PATJ: variants seen among roughly 807,000 people sequenced by gnomAD.
PATJ encodes PATJ crumbs cell polarity complex component.
PATJ carries 190 observed loss-of-function variants against 224.9 expected under a neutral mutation model. That is an observed-to-expected ratio of 0.84 (90% CI 0.75 to 0.95). The LOEUF is 0.95. Ranked by LOEUF, PATJ falls within the 40% of genes least tolerant of loss-of-function variation. The pLI is 0.00. For missense variants in PATJ, 2,121 were observed against 2,270.3 expected (o/e 0.93, Z 1.34); for synonymous variants, 769 against 820.3 (o/e 0.94, Z 1.07).
chr1:61,980,080 C>T (rs1481834132), intron 27 of PATJ, among the ~76,000 whole-genome samples: 4 of 151,860 alleles, frequency 2.6e-5, no homozygotes, highest in Admixed American at 6.6e-5. Flanking sequence ...TTCTCAAATG[C>T]GAAGATGCCA....
chr1:62,045,758 C>G (rs1247857893), intron 30 of PATJ, among the ~76,000 whole-genome samples: 1 of 152,166 alleles, frequency 6.6e-6, no homozygotes, highest in African/African-American at 2.4e-5. Context: ...GTCCTCAAAC[C>G]ACTCTAATTC....
intron 39 of PATJ, among the ~76,000 whole-genome samples, chr1:62,124,490 A>G (rs1665466368): frequency 6.6e-6 from 1 of 152,246 alleles, no homozygotes; most frequent in South Asian, 2.1e-4. Flanking sequence ...GATATCCAGC[A>G]TAACTTACTT....
chr1:61,903,147 T>C (rs1401083991), intron 24 of PATJ, among the ~76,000 whole-genome samples: 1 of 152,102 alleles, frequency 6.6e-6, no homozygotes, highest in African/African-American at 2.4e-5. Context: ...CAGGTAAGTA[T>C]TGTTTCAAAG....
chr1:61,991,702 C>A, intron 28 of PATJ: 2 of 983,930 alleles, frequency 2.0e-6, no homozygotes, highest in Non-Finnish European at 2.4e-6. Context: ...ACGAATGGGA[C>A]CCACATTGGG....
chr1:62,102,269 T>G (rs1482447865), intron 33 of PATJ, among the ~76,000 whole-genome samples: 1 of 152,188 alleles, frequency 6.6e-6, no homozygotes, highest in Non-Finnish European at 1.5e-5. Flanking sequence ...CAGGTCATCT[T>G]ACTTACATTT....
chr1:62,008,853 A>G (rs1646257185), intron 28 of PATJ, among the ~76,000 whole-genome samples: 3 of 152,222 alleles, frequency 2.0e-5, no homozygotes, highest in Admixed American at 2.0e-4. Context: ...AGAGTTGTAG[A>G]TCTTGGATTT....
Position 61,795,495 on chromosome 1 carries a change from T to C in PATJ, c.1197T>C (p.Ser399=), listed in dbSNP as rs1650889397. The C allele has an allele frequency of 6.2e-7, 1 of 1,608,620 alleles. No homozygotes were observed. Among genetic ancestry groups the C allele is most frequent in the Non-Finnish European group, 8.5e-7 (1 of 1,176,202 alleles). The change falls in exon 10 of 44, where the codon AGT becomes AGC. Residue 399 remains serine, a synonymous_variant. Coordinates refer to ENST00000642238, the MANE Select transcript of PATJ (RefSeq NM_001350145.3). The part of the protein sequence containing the change: ...TGEASGIYVK[S]IIPGSAAYHN... ...AAGCTTCAGGGATTTATGTGAAAAGTATAATACCTGGCAGTGCTGCGTACC... is the reference window on the plus strand; with the variant it reads ...AAGCTTCAGGGATTTATGTGAAAAGCATAATACCTGGCAGTGCTGCGTACC...
At chr1:62,152,395 C>G (rs1291955885) in intron 42 of PATJ, among the ~76,000 whole-genome samples, 1 of 152,064 alleles carries the variant, frequency 6.6e-6, no homozygotes, top group Non-Finnish European at 1.5e-5. Flanking sequence ...CAGCTCACGC[C>G]TGGAATCCCA....
intron 16 of PATJ, 27 bp downstream of exon 16, chr1:61,827,610 C>G (rs769293690): frequency 6.3e-7 from 1 of 1,599,880 alleles, no homozygotes; most frequent in African/African-American, 1.3e-5. Context: ...GTGCATTTCC[C>G]ATAGGCATGC....
At position 61,922,816 on chromosome 1, in the gene PATJ, C is replaced by A. The variant is rs190902816; in HGVS notation, c.3571-4914C>A. The stretch of plus-strand genomic sequence containing the variant: ...TGTTTATTGGTTACCTATAGTGAAC[C>A]AGTTACTGTGCAACAATCTGGGGAT... On this transcript the variant is annotated intron_variant, in intron 26 of 43. Transcript: ENST00000642238. Among the ~76,000 whole-genome samples, 29 of 152,258 alleles carry A rather than the reference C, an allele frequency of 1.9e-4. No homozygotes were observed. The East Asian group carries it at 2.9e-3, about 15-fold the overall frequency.
chr1:62,080,449 GGCCTCCTGAGTAGCTGGGATTACAGGT>G (rs1558140967), intron 32 of PATJ, among the ~76,000 whole-genome samples: 1 of 151,586 alleles, frequency 6.6e-6, no homozygotes, highest in East Asian at 1.9e-4. Context: ...CTCCTGCCTC[GGCCTCCTGAGTAGCTGGGATTACAGGT>G]GCTCACCACC....
rs759686014 is a variant in PATJ at position 61,795,460 on chromosome 1, C to T, written c.1169-7C>T. ...CTTCCTTTTTCCGTATGTCTGTGCA[C>T]CTTAAGGGGAAGCTTCAGGGATTTA... On this transcript the variant is annotated splice_polypyrimidine_tract_variant and splice_region_variant and intron_variant, in intron 9 of 43. Coordinates refer to ENST00000642238, the MANE Select transcript of PATJ (RefSeq NM_001350145.3). 1.3e-6 allele frequency: 2 copies of T among 1,566,008 alleles called. No homozygotes were observed. The highest frequency in any genetic ancestry group is 1.7e-6 in the Non-Finnish European group (2 of 1,144,948).
intron 22 of PATJ, 43 bp downstream of exon 22, chr1:61,884,451 GTTTTTT>G (rs72229771): frequency 0.14 from 87,066 of 631,956 alleles, 200 homozygotes; most frequent in Middle Eastern, 0.2. Context: ...TAAAATAGTG[GTTTTTT>G]TTTTTTTTTT....
intron 17 of PATJ, among the ~76,000 whole-genome samples, chr1:61,839,991 T>C (rs2148826701): frequency 6.6e-6 from 1 of 152,170 alleles, no homozygotes; most frequent in East Asian, 1.9e-4. Context: ...AAATGGCGAC[T>C]CATTAAAAAG....
At chr1:61,745,970 C>G (rs918234410) in intron 1 of PATJ, among the ~76,000 whole-genome samples, 1 of 151,890 alleles carries the variant, frequency 6.6e-6, no homozygotes, top group Non-Finnish European at 1.5e-5. Flanking sequence ...CAGAGCCTTA[C>G]TCTGTTGCCC....
intron 29 of PATJ, among the ~76,000 whole-genome samples, chr1:62,027,924 T>C (rs1648335783): frequency 6.6e-6 from 1 of 152,178 alleles, no homozygotes; most frequent in African/African-American, 2.4e-5. Flanking sequence ...TTTTCTCCTG[T>C]TTCATAAGTT....
rs542635978 is a variant in PATJ at position 62,061,298 on chromosome 1, C to T, written c.4125+10240C>T. Among the ~76,000 whole-genome samples, 28 of 152,068 alleles carry T rather than the reference C, an allele frequency of 1.8e-4. No individual in the cohort carries two copies. In the Middle Eastern group the frequency reaches 0.014, roughly 75 times the overall value. ...CCAGGTTCAAGCAATTCTCCTGCCTCAGCCTCCCGAGTAGCTGGGATTACA... is the reference window on the plus strand; with the variant it reads ...CCAGGTTCAAGCAATTCTCCTGCCTTAGCCTCCCGAGTAGCTGGGATTACA... On this transcript the variant is annotated intron_variant, in intron 31 of 43. Transcript: ENST00000642238.
At chr1:62,138,664 G>A (rs1667192651) in intron 41 of PATJ, among the ~76,000 whole-genome samples, 1 of 152,150 alleles carries the variant, frequency 6.6e-6, no homozygotes, top group African/African-American at 2.4e-5. Flanking sequence ...CCTCCCCCAT[G>A]TTGGAGGGCC....
chr1:62,087,855 G>A (rs959461738), intron 33 of PATJ, among the ~76,000 whole-genome samples: 3 of 151,522 alleles, frequency 2.0e-5, no homozygotes, highest in Admixed American at 2.0e-4. Context: ...TTTGGTCTGC[G>A]CTGTATCTTC....
Sources: gnomAD v4.1 joint callset for allele counts (sites outside exome capture counted in the v4.1 genomes callset) on GRCh38, gnomAD v4.1.1 for gene constraint, MANE v1.5 for transcripts, NCBI Gene and HGNC (gene_info 2026-07-23, HGNC 2026-07-21) for gene names.